PHKA1: variants seen among roughly 807,000 people sequenced by gnomAD.
PHKA1 encodes phosphorylase b kinase regulatory subunit alpha, skeletal muscle isoform.
Under a neutral mutation model 110.2 loss-of-function variants are expected in PHKA1, and 60 were observed. That is an observed-to-expected ratio of 0.54 (90% CI 0.44 to 0.68). The LOEUF (loss-of-function observed/expected upper bound fraction) is 0.68. Among genes scored for constraint, PHKA1 ranks in the 30% least tolerant of loss-of-function variants. The pLI is 0.00. For synonymous variants in PHKA1, 316 were observed against 333.6 expected, an observed-to-expected ratio of 0.95 and a Z score of 0.58; for missense variants, 801 against 942.5, an observed-to-expected ratio of 0.85 and a Z score of 1.97.
intron 4 of PHKA1, among the ~76,000 whole-genome samples, chrX:72,686,194 C>T (rs1193051883): frequency 9.0e-6 from 1 of 111,693 alleles, no homozygotes; most frequent in East Asian, 2.8e-4. Flanking sequence ...ACCTAACACG[C>T]CCTTCGTAAG....
chrX:72,642,533 G>C (rs2053309433), intron 14 of PHKA1, among the ~76,000 whole-genome samples: 2 of 111,276 alleles, frequency 1.8e-5, no homozygotes, highest in Admixed American at 1.9e-4. Context: ...AAGGGATTTA[G>C]TGCTAGTGGA....
chrX:72,660,538 G>A (rs2053547452), intron 8 of PHKA1: 4 of 394,013 alleles, frequency 1.0e-5, no homozygotes, highest in Admixed American at 3.9e-5. Context: ...GACCATAACA[G>A]CCCAATGTTC....
chrX:72,700,281 G>A (rs1393684684), intron 3 of PHKA1, among the ~76,000 whole-genome samples: 2 of 111,966 alleles, frequency 1.8e-5, no homozygotes, highest in African/African-American at 6.5e-5. Context: ...ATATTCTTTT[G>A]TAATATCAAG....
At chrX:72,703,778 C>A (rs2054239265) in intron 3 of PHKA1, among the ~76,000 whole-genome samples, 1 of 112,089 alleles carries the variant, frequency 8.9e-6, no homozygotes, top group Non-Finnish European at 1.9e-5. Context: ...TACTTTCTAT[C>A]TACTATATAT....
At chrX:72,613,794 C>A (rs916546725) in intron 21 of PHKA1, among the ~76,000 whole-genome samples, 3 of 111,948 alleles carry the variant, frequency 2.7e-5, no homozygotes, top group Non-Finnish European at 5.6e-5. Flanking sequence ...GACTAATCAA[C>A]ACTATGATAT....
chrX:72,621,581 A>G (rs782071204), intron 18 of PHKA1, among the ~76,000 whole-genome samples: 2 of 112,024 alleles, frequency 1.8e-5, no homozygotes, highest in African/African-American at 6.5e-5. Flanking sequence ...TTAGAAAAAC[A>G]CACTATTCAG....
chrX:72,653,324 T>C, intron 11 of PHKA1, 111 bp downstream of exon 11: 1 of 548,927 alleles, frequency 1.8e-6, no homozygotes, highest in South Asian at 2.6e-5. Context: ...AAAGACAAGC[T>C]TTCAGAACAA....
chrX:72,682,445 C>G (rs1187437153), intron 5 of PHKA1, among the ~76,000 whole-genome samples: 1 of 111,118 alleles, frequency 9.0e-6, no homozygotes, highest in East Asian at 3.0e-4. Flanking sequence ...TCATTGAGAA[C>G]GGGCCAGGAT....
chrX:72,663,346 A>C (rs1289462048), intron 8 of PHKA1, among the ~76,000 whole-genome samples: 1 of 111,271 alleles, frequency 9.0e-6, no homozygotes, highest in Non-Finnish European at 1.9e-5. Context: ...AACGAATAAA[A>C]AAGAATGAAA....
intron 29 of PHKA1, among the ~76,000 whole-genome samples, chrX:72,586,319 A>T (rs2052429383): frequency 8.9e-6 from 1 of 112,478 alleles, no homozygotes; most frequent in Admixed American, 9.3e-5. Flanking sequence ...AAACTCCAAC[A>T]GACCTGCAGC....
intron 3 of PHKA1, among the ~76,000 whole-genome samples, chrX:72,701,638 G>A (rs1156819247): frequency 9.0e-6 from 1 of 111,385 alleles, no homozygotes; most frequent in Non-Finnish European, 1.9e-5. Flanking sequence ...AGAATCACTT[G>A]AACCCAGGAG....
chrX:72,605,681 A>C, intron 23 of PHKA1, 62 bp from the exon 24 acceptor site: 1 of 864,790 alleles, frequency 1.2e-6, no homozygotes, highest in Admixed American at 2.3e-5. Flanking sequence ...AAATATGTTG[A>C]AAAAATGAAG....
chrX:72,705,084 G>T (rs2054261901), intron 3 of PHKA1, 114 bp downstream of exon 3: 2 of 586,150 alleles, frequency 3.4e-6, no homozygotes, highest in African/African-American at 2.2e-5. Context: ...TCTAAAATTA[G>T]TGTGTACTAT....
chrX:72,666,262 T>C lies in PHKA1; in HGVS notation c.753A>G (p.Thr251=), dbSNP rs1556306359. Residue 251 remains threonine, a synonymous_variant, in exon 8 of 32, where the codon ACA becomes ACG. Transcript: ENST00000373542. Reference sequence around the variant, plus strand: ...GTAGACTAGCATCAACCTCTTTTGATGTTGAAGCACGGGGCAGTAGTGAAT... The same window carrying C: ...GTAGACTAGCATCAACCTCTTTTGACGTTGAAGCACGGGGCAGTAGTGAAT... ...ILNSLLPRAS[T]SKEVDASLLS... is the part of the protein sequence containing the mutation. 1 of 1,209,528 alleles carries C rather than the reference T, an allele frequency of 8.3e-7. No homozygotes were observed. The highest frequency in any genetic ancestry group is 1.1e-6 in the Non-Finnish European group (1 of 893,396).
chrX:72,636,541 G>T (rs1391622494), intron 14 of PHKA1, among the ~76,000 whole-genome samples, 155 bp from the exon 15 acceptor site: 1 of 111,620 alleles, frequency 9.0e-6, no homozygotes, highest in Non-Finnish European at 1.9e-5. Context: ...AATTTAAATT[G>T]TCTTCTTTTT....
At chrX:72,653,574 C>G in intron 10 of PHKA1, 44 bp from the exon 11 acceptor site, 1 of 890,907 alleles carries the variant, frequency 1.1e-6, no homozygotes, top group Non-Finnish European at 1.6e-6. Context: ...TACAGAGAGT[C>G]CCTTTGGGGA....
intron 29 of PHKA1, among the ~76,000 whole-genome samples, chrX:72,591,781 C>T (rs2052525365): frequency 8.9e-6 from 1 of 112,067 alleles, no homozygotes; most frequent in African/African-American, 3.2e-5. Flanking sequence ...TTACTGTACA[C>T]TGCATGTTGT....
intron 19 of PHKA1, among the ~76,000 whole-genome samples, chrX:72,619,862 AAG>A (rs1299432901): frequency 1.9e-4 from 21 of 112,092 alleles, no homozygotes; most frequent in Non-Finnish European, 3.9e-4. Flanking sequence ...CAGATACAGA[AAG>A]AGAGATACAG....
At chrX:72,593,606 G>C (rs1163641910) in intron 28 of PHKA1, among the ~76,000 whole-genome samples, 1 of 112,420 alleles carries the variant, frequency 8.9e-6, no homozygotes, top group Non-Finnish European at 1.9e-5. Flanking sequence ...CTCCCAAAGT[G>C]CTGGGATTAC....
Sources: gnomAD v4.1 joint callset for allele counts (sites outside exome capture counted in the v4.1 genomes callset) on GRCh38, gnomAD v4.1.1 for gene constraint, MANE v1.5 for transcripts, NCBI Gene and HGNC (gene_info 2026-07-23, HGNC 2026-07-21) for gene names.